Variants in PCDH10 observed in about 807,000 individuals in gnomAD.
The protein encoded by PCDH10 is protocadherin-10.
PCDH10 carries 15 observed loss-of-function variants against 74.4 expected under a neutral mutation model. That is an observed-to-expected ratio of 0.20 (90% CI 0.13 to 0.31). The LOEUF (loss-of-function observed/expected upper bound fraction) is 0.31, where lower values mean the gene tolerates loss of function less well. PCDH10 is among the 10% of genes least tolerant of loss of function. The pLI is 1.00. For missense variants in PCDH10, 1,260 were observed against 1,390.2 expected, an observed-to-expected ratio of 0.91 and a Z score of 1.49; for synonymous variants, 619 against 589.8, an observed-to-expected ratio of 1.05 and a Z score of -0.72.
Position 133,163,256 on chromosome 4 carries a change from G to A in PCDH10, c.3077G>A (p.Arg1026Gln), listed in dbSNP as rs545224779. 3 of 1,613,024 alleles carry A rather than the reference G, an allele frequency of 1.9e-6. No homozygotes were observed. The highest frequency in any genetic ancestry group is 1.7e-6 in the Non-Finnish European group (2 of 1,179,532). ...CTGGATGGACTGCTGACTAATACGC[G>A]AGCGCCTTACAAACCACCATATTTG... ...KELDGLLTNT[R>Q]APYKPPYLTR... Residue 1026 changes from arginine (R) to glutamine (Q), a missense_variant, in exon 4 of 5, where the codon CGA becomes CAA. Coordinates refer to ENST00000264360, the MANE Select transcript of PCDH10 (RefSeq NM_032961.3).
chr4:133,186,405 A>G (rs1727542356), intron 4 of PCDH10, among the ~76,000 whole-genome samples: 1 of 152,300 alleles, frequency 6.6e-6, no homozygotes, highest in East Asian at 1.9e-4. Flanking sequence ...CCAATTCCCT[A>G]CATGCTGATG....
At chr4:133,197,973 G>GTT (rs1727826948), downstream of PCDH10, among the ~76,000 whole-genome samples, 1 of 99,726 alleles carries the variant, frequency 1.0e-5, no homozygotes, top group African/African-American at 6.4e-5. Flanking sequence ...TCAAAATTGT[G>GTT]TGTGTGTGTG....
At position 133,154,451 on chromosome 4, in the gene PCDH10, T is replaced by G. The variant is rs185913752; in HGVS notation, c.2690+86T>G. The G allele has an allele frequency of 3.6e-3, 2,560 of 709,644 alleles. 13 individuals carry two copies. The highest frequency in any genetic ancestry group is 4.3e-3 in the Non-Finnish European group (1,837 of 425,388). The allele number at this position is 709,644 out of a possible 1,614,324, so 44.0% of individuals were successfully genotyped here. ...GTAGGTATATTATTCTAAATTAAAA[T>G]TGAAATGTATAAAATATTTTCAATT... On this transcript the variant is annotated intron_variant, in intron 2 of 4. Transcript: ENST00000264360.
intron 4 of PCDH10, among the ~76,000 whole-genome samples, chr4:133,169,535 G>A (rs11937903): frequency 0.037 from 5,679 of 151,662 alleles, 267 homozygotes; most frequent in African/African-American, 0.11. Context: ...ATTACATATC[G>A]TTTTCATCCT....
At chr4:133,201,427 C>T (rs992611575) in intron 2 of PCDH10, among the ~76,000 whole-genome samples, 2 of 151,958 alleles carry the variant, frequency 1.3e-5, no homozygotes, top group Non-Finnish European at 2.9e-5. Context: ...GGGGGAAGGC[C>T]CTGCACAACA....
intron 4 of PCDH10, among the ~76,000 whole-genome samples, chr4:133,168,776 T>C (rs1727140120): frequency 1.3e-5 from 2 of 151,724 alleles, no homozygotes; most frequent in Non-Finnish European, 3.0e-5. Context: ...TTTTAAAGTA[T>C]GCAAAATTTC....
rs753823564 is a variant in PCDH10, at chr4:133,150,350, A to T, written c.210A>T (p.Thr70=). 3 of 1,613,730 alleles carry T rather than the reference A, an allele frequency of 1.9e-6. No individual in the cohort carries two copies. Among genetic ancestry groups the T allele is most frequent in the Non-Finnish European group, 2.5e-6 (3 of 1,179,910 alleles). ...RTPYLDLNLE[T]GVLYVNEKID... is the part of the protein sequence containing the mutation. ...CTTACTTAGACCTCAACCTGGAGAC[A>T]GGGGTGCTGTACGTGAACGAGAAAA... is the stretch of plus-strand genomic sequence containing the variant. The change falls in exon 1 of 5, where the codon ACA becomes ACT. Residue 70 remains threonine, a synonymous_variant. Coordinates refer to ENST00000264360, the MANE Select transcript of PCDH10 (RefSeq NM_032961.3).
At chr4:133,203,761 G>A (rs868661304) in intron 2 of PCDH10, among the ~76,000 whole-genome samples, 28 of 152,298 alleles carry the variant, frequency 1.8e-4, no homozygotes, top group Middle Eastern at 3.4e-3. Flanking sequence ...CACTCTTGGT[G>A]CAGACCTTCT....
chr4:133,150,437 G>A lies in PCDH10; in HGVS notation c.297G>A (p.Leu99=). 1.2e-6 allele frequency: 2 copies of A among 1,613,956 alleles called. No individual in the cohort carries two copies. Among genetic ancestry groups the A allele is most frequent in the Non-Finnish European group, 1.7e-6 (2 of 1,179,992 alleles). Residue 99 remains leucine (L), a synonymous_variant, in exon 1 of 5, where the codon CTG becomes CTA. Coordinates refer to ENST00000264360, the MANE Select transcript of PCDH10 (RefSeq NM_032961.3). ...PSCVLHLEVF[L]ENPLELFQVE... is the part of the protein sequence containing the mutation. The stretch of plus-strand genomic sequence containing the variant: ...GTGTCCTGCACCTGGAGGTCTTTCT[G>A]GAGAACCCCCTGGAGCTGTTCCAGG...
At chr4:133,187,365 T>A (rs1727564991) in intron 4 of PCDH10, among the ~76,000 whole-genome samples, 1 of 152,110 alleles carries the variant, frequency 6.6e-6, no homozygotes, top group African/African-American at 2.4e-5. Context: ...ATAGGATATA[T>A]GCATACACTA....
intron 2 of PCDH10, among the ~76,000 whole-genome samples, chr4:133,207,550 A>G (rs558098142): frequency 6.6e-6 from 1 of 151,268 alleles, no homozygotes; most frequent in Non-Finnish European, 1.5e-5. Flanking sequence ...TCCAGAATTT[A>G]CACAATTATA....
At chr4:133,174,647 C>T (rs930365261) in intron 4 of PCDH10, among the ~76,000 whole-genome samples, 13 of 150,870 alleles carry the variant, frequency 8.6e-5, no homozygotes, top group African/African-American at 2.2e-4. Context: ...TATAAATATA[C>T]GTAATTTTAT....
chr4:133,167,122 C>A (rs1188916270), intron 4 of PCDH10, among the ~76,000 whole-genome samples: 1 of 151,250 alleles, frequency 6.6e-6, no homozygotes, highest in Non-Finnish European at 1.5e-5. Flanking sequence ...ACTTGACGCA[C>A]CCATATGATG....
chr4:133,203,431 A>G (rs971869), intron 2 of PCDH10, among the ~76,000 whole-genome samples: 35,906 of 152,048 alleles, frequency 0.24, 4,596 homozygotes, highest in Middle Eastern at 0.31. Context: ...TGGTTGCATC[A>G]TAGGATTTAA....
At chr4:133,188,772 C>T (rs1727595262) in intron 4 of PCDH10, among the ~76,000 whole-genome samples, 1 of 140,878 alleles carries the variant, frequency 7.1e-6, no homozygotes, top group Admixed American at 7.8e-5. Flanking sequence ...CTCCTGGGTT[C>T]AAGCAATTCT....
chr4:133,159,783 T>A (rs2125861901), intron 3 of PCDH10, among the ~76,000 whole-genome samples: 1 of 152,110 alleles, frequency 6.6e-6, no homozygotes, highest in South Asian at 2.1e-4. Flanking sequence ...AAGTTAAACT[T>A]ATTAACTTTT....
chr4:133,200,942 T>C (rs1727896462), intron 2 of PCDH10, among the ~76,000 whole-genome samples: 1 of 152,156 alleles, frequency 6.6e-6, no homozygotes, highest in Non-Finnish European at 1.5e-5. Flanking sequence ...TAACGATGAT[T>C]CTCTCATATA....
intron 4 of PCDH10, among the ~76,000 whole-genome samples, chr4:133,184,686 A>G (rs1006982203): frequency 1.7e-4 from 25 of 145,756 alleles, no homozygotes; most frequent in Admixed American, 4.9e-4. Context: ...TTATTTACAT[A>G]TATTTATATA....
At chr4:133,195,355 A>G (rs1727774644), downstream of PCDH10, among the ~76,000 whole-genome samples, 1 of 152,090 alleles carries the variant, frequency 6.6e-6, no homozygotes, top group African/African-American at 2.4e-5. Context: ...TGCTTTGAAC[A>G]TCTAATAAAC....
Sources: gnomAD v4.1 joint callset for allele counts (sites outside exome capture counted in the v4.1 genomes callset) on GRCh38, gnomAD v4.1.1 for gene constraint, MANE v1.5 for transcripts, NCBI Gene and HGNC (gene_info 2026-07-23, HGNC 2026-07-21) for gene names.